Variants in ZNF385D observed in about 807,000 individuals in gnomAD.
The protein encoded by ZNF385D is zinc finger protein 659.
A neutral mutation model predicts 35.8 loss-of-function variants in ZNF385D; 15 were observed. The observed-to-expected ratio is 0.42, with a 90% CI of 0.28 to 0.64. The LOEUF is 0.64. ZNF385D is among the 30% of genes least tolerant of loss of function. The probability of loss-of-function intolerance (pLI) is 0.23; values close to 1 mark genes in which losing one functional copy is unlikely to be tolerated. For missense variants in ZNF385D, 474 were observed against 494.6 expected (o/e 0.96, Z 0.39); for synonymous variants, 212 against 186.8 (o/e 1.13, Z -1.10).
intron 4 of ZNF385D, among the ~76,000 whole-genome samples, chr3:21,450,282 G>C (rs4263311): frequency 0.28 from 42,268 of 152,030 alleles, 6,513 homozygotes; most frequent in East Asian, 0.43. Flanking sequence ...TGTGCAAAGA[G>C]AGCAAGGACT....
chr3:22,139,235 T>A (rs977092184), intron 3 of ZNF385D, among the ~76,000 whole-genome samples: 11 of 152,108 alleles, frequency 7.2e-5, no homozygotes, highest in African/African-American at 2.7e-4. Context: ...GAACTAGAAA[T>A]ACCATTTGAC....
intron 3 of ZNF385D, among the ~76,000 whole-genome samples, chr3:22,149,127 G>GC (rs1008444221): frequency 2.0e-5 from 3 of 152,048 alleles, no homozygotes; most frequent in African/African-American, 7.2e-5. Flanking sequence ...CGCAACCCCG[G>GC]ACCTGTATCA....
intron 2 of ZNF385D, among the ~76,000 whole-genome samples, chr3:22,336,985 A>G (rs1695200173): frequency 7.1e-6 from 1 of 140,790 alleles, no homozygotes; most frequent in Admixed American, 7.9e-5. Flanking sequence ...CTTAGTGAAC[A>G]CCTCTACTAG....
intron 2 of ZNF385D, among the ~76,000 whole-genome samples, chr3:22,194,240 A>C (rs976558900): frequency 6.6e-6 from 1 of 151,894 alleles, no homozygotes; most frequent in African/African-American, 2.4e-5. Flanking sequence ...TGCCAAAATT[A>C]AAGTATTAAT....
At chr3:21,866,601 G>A (rs1373609664) in intron 3 of ZNF385D, among the ~76,000 whole-genome samples, 1 of 152,190 alleles carries the variant, frequency 6.6e-6, no homozygotes, top group Non-Finnish European at 1.5e-5. Flanking sequence ...TAGGTATGGG[G>A]TGGAACCCAA....
chr3:21,420,607 T>C lies in ZNF385D; in HGVS notation c.*607A>G, dbSNP rs913587847. Reference sequence around the variant, plus strand: ...CTGCTTATTGGTATGAAATAGTTGTTCATTCTACCTTTGCAATTCTTTAAA... The same window carrying C: ...CTGCTTATTGGTATGAAATAGTTGTCCATTCTACCTTTGCAATTCTTTAAA... On this transcript the variant is annotated 3_prime_UTR_variant, in exon 8 of 8. Transcript: ENST00000281523. The C allele has an allele frequency of 3.9e-5, 6 of 152,320 alleles. No individual in the cohort carries two copies. The highest frequency in any genetic ancestry group is 7.3e-5 in the Non-Finnish European group (5 of 68,128). 9.4% of individuals were successfully genotyped at this position (152,320 alleles called of 1,614,324 possible).
At chr3:22,166,163 T>C (rs1706312816) in intron 3 of ZNF385D, among the ~76,000 whole-genome samples, 2 of 152,104 alleles carry the variant, frequency 1.3e-5, no homozygotes, top group East Asian at 1.9e-4. Context: ...CCAGTAACCA[T>C]GGTTGTTTTT....
intron 2 of ZNF385D, among the ~76,000 whole-genome samples, chr3:22,368,078 C>T (rs952346201): frequency 2.0e-5 from 3 of 152,178 alleles, no homozygotes; most frequent in Non-Finnish European, 2.9e-5. Flanking sequence ...ATGCTACATG[C>T]TGGCTTGTTT....
intron 3 of ZNF385D, among the ~76,000 whole-genome samples, chr3:22,135,805 G>A (rs545255795): frequency 6.6e-6 from 1 of 152,170 alleles, no homozygotes; most frequent in South Asian, 2.1e-4. Flanking sequence ...TAACAGAAGA[G>A]AGAGTCCAGA....
chr3:21,663,134 C>G (rs1015363809), intron 2 of ZNF385D, among the ~76,000 whole-genome samples: 5 of 152,076 alleles, frequency 3.3e-5, no homozygotes, highest in African/African-American at 1.2e-4. Flanking sequence ...AAAAAACCCA[C>G]AAATCTCTGA....
At chr3:21,808,152 A>G (rs1052799587) in intron 3 of ZNF385D, among the ~76,000 whole-genome samples, 7 of 152,222 alleles carry the variant, frequency 4.6e-5, no homozygotes, top group African/African-American at 1.7e-4. Context: ...ACAGGATAAG[A>G]AAATCCTTTA....
At chr3:21,895,191 T>A (rs1267636262) in intron 3 of ZNF385D, among the ~76,000 whole-genome samples, 2 of 152,042 alleles carry the variant, frequency 1.3e-5, no homozygotes, top group African/African-American at 4.8e-5. Context: ...CTGATTAGAG[T>A]TCACCAGGGT....
intron 3 of ZNF385D, among the ~76,000 whole-genome samples, chr3:22,062,191 G>C (rs1197478597): frequency 3.9e-5 from 6 of 152,078 alleles, no homozygotes; most frequent in Non-Finnish European, 7.4e-5. Context: ...GGGACTACAG[G>C]CAAGTGCCAC....
At chr3:21,968,955 T>C (rs9843290) in intron 3 of ZNF385D, among the ~76,000 whole-genome samples, 10,899 of 152,190 alleles carry the variant, frequency 0.072, 1,278 homozygotes, top group African/African-American at 0.25. Context: ...CTGGATGATA[T>C]TGCTGGACTT....
intron 3 of ZNF385D, among the ~76,000 whole-genome samples, chr3:22,050,049 G>T (rs1699248953): frequency 6.6e-6 from 1 of 152,136 alleles, no homozygotes; most frequent in African/African-American, 2.4e-5. Flanking sequence ...AGCAGTTTGA[G>T]AAGGATTGGT....
At chr3:22,167,961 CTTT>C (rs1706445700) in intron 3 of ZNF385D, among the ~76,000 whole-genome samples, 1 of 152,112 alleles carries the variant, frequency 6.6e-6, no homozygotes, top group African/African-American at 2.4e-5. Flanking sequence ...TAAGAATGTA[CTTT>C]TATTTTTCTT....
chr3:21,930,469 C>T (rs1433121485), intron 3 of ZNF385D, among the ~76,000 whole-genome samples: 2 of 151,952 alleles, frequency 1.3e-5, no homozygotes, highest in Non-Finnish European at 2.9e-5. Context: ...AAAATTTGGG[C>T]TTCAAAGGAA....
chr3:22,335,255 C>A (rs1256285637), intron 2 of ZNF385D, among the ~76,000 whole-genome samples: 1 of 152,116 alleles, frequency 6.6e-6, no homozygotes, highest in Non-Finnish European at 1.5e-5. Flanking sequence ...TTAGGTCACA[C>A]CATGATCATG....
At chr3:21,850,230 T>G (rs1383599764) in intron 3 of ZNF385D, among the ~76,000 whole-genome samples, 1 of 152,128 alleles carries the variant, frequency 6.6e-6, no homozygotes, top group African/African-American at 2.4e-5. Context: ...ACATTAGCCC[T>G]TCTGCCACAA....
Sources: allele counts gnomAD v4.1 joint callset (sites outside exome capture counted in the v4.1 genomes callset), GRCh38; gene constraint gnomAD v4.1.1; transcripts MANE v1.5; gene names NCBI Gene and HGNC (gene_info 2026-07-23, HGNC 2026-07-21).